DISC1: variants seen among roughly 807,000 people sequenced by gnomAD.
The protein encoded by DISC1 is disrupted in schizophrenia 1 protein.
Under a neutral mutation model 84.5 loss-of-function variants are expected in DISC1, and 57 were observed. The ratio of observed to expected loss-of-function variants is 0.67; its 90% CI spans 0.55 to 0.84. The LOEUF (loss-of-function observed/expected upper bound fraction) is 0.84, where lower values mean the gene tolerates loss of function less well. Ranked by LOEUF, DISC1 falls within the 40% of genes least tolerant of loss-of-function variation. DISC1 has a pLI of 0.00. For synonymous variants in DISC1, 411 were observed against 415.2 expected (o/e 0.99, Z 0.12); for missense variants, 1,000 against 1,057.8 (o/e 0.95, Z 0.76).
chr1:231,902,494 G>A (rs971310675), intron 9 of DISC1, among the ~76,000 whole-genome samples: 14 of 151,862 alleles, frequency 9.2e-5, no homozygotes, highest in African/African-American at 2.9e-4. Flanking sequence ...CCAGCTACTC[G>A]GGAGGCTGAG....
intron 4 of DISC1, among the ~76,000 whole-genome samples, chr1:231,759,336 CTG>C (rs1169150598): frequency 6.6e-6 from 1 of 151,996 alleles, no homozygotes; most frequent in Non-Finnish European, 1.5e-5. Flanking sequence ...CAGAAAATAA[CTG>C]TTACAGACAC....
intron 9 of DISC1, among the ~76,000 whole-genome samples, chr1:231,933,054 T>G (rs2090766923): frequency 6.6e-6 from 1 of 152,160 alleles, no homozygotes; most frequent in Admixed American, 6.5e-5. Flanking sequence ...AGGATAAAAA[T>G]GATGACAATG....
intron 9 of DISC1, among the ~76,000 whole-genome samples, chr1:231,955,025 G>A (rs554794112): frequency 6.6e-6 from 1 of 152,258 alleles, no homozygotes; most frequent in South Asian, 2.1e-4. Context: ...ACTGAGATGA[G>A]GCAAATACTT....
chr1:231,804,125 TG>T (rs2125667305), intron 8 of DISC1, among the ~76,000 whole-genome samples: 1 of 152,210 alleles, frequency 6.6e-6, no homozygotes, highest in South Asian at 2.1e-4. Flanking sequence ...AAGAATTTGG[TG>T]GGCATATTTT....
intron 9 of DISC1, among the ~76,000 whole-genome samples, chr1:231,908,130 G>A (rs2088876541): frequency 6.6e-6 from 1 of 152,124 alleles, no homozygotes; most frequent in South Asian, 2.1e-4. Flanking sequence ...TACGTTGCCT[G>A]TTCACTCTGA....
intron 9 of DISC1, among the ~76,000 whole-genome samples, chr1:231,872,699 A>G (rs201116812): frequency 7.2e-5 from 11 of 152,114 alleles, no homozygotes; most frequent in Non-Finnish European, 1.5e-4. Flanking sequence ...GTTTTATTTT[A>G]AACCAATCCA....
chr1:231,825,250 A>G (rs1386359681), intron 9 of DISC1, among the ~76,000 whole-genome samples: 1 of 152,166 alleles, frequency 6.6e-6, no homozygotes, highest in African/African-American at 2.4e-5. Flanking sequence ...TGGAAATACA[A>G]TGATGTTTTC....
intron 9 of DISC1, among the ~76,000 whole-genome samples, chr1:231,905,035 C>T (rs1266969306): frequency 6.6e-6 from 1 of 152,084 alleles, no homozygotes; most frequent in Admixed American, 6.6e-5. Flanking sequence ...AATTACATCC[C>T]CTCAGAATAC....
chr1:231,973,628 C>T (rs199600015), intron 10 of DISC1, among the ~76,000 whole-genome samples: 7 of 152,206 alleles, frequency 4.6e-5, no homozygotes, highest in African/African-American at 9.6e-5. Flanking sequence ...TTGTCTTGTC[C>T]GTGGCAGTCC....
At chr1:232,016,929 A>T (rs1668538989) in intron 11 of DISC1, among the ~76,000 whole-genome samples, 1 of 152,166 alleles carries the variant, frequency 6.6e-6, no homozygotes, top group African/African-American at 2.4e-5. Context: ...ATAAAGATAT[A>T]CCCTTAATGT....
chr1:231,779,912 C>A (rs2077271925), intron 6 of DISC1, among the ~76,000 whole-genome samples: 1 of 152,064 alleles, frequency 6.6e-6, no homozygotes, highest in Non-Finnish European at 1.5e-5. Context: ...CCTTAAAGTG[C>A]CTGCTAATGG....
At chr1:231,995,575 G>A (rs2102938313) in intron 10 of DISC1, among the ~76,000 whole-genome samples, 1 of 152,036 alleles carries the variant, frequency 6.6e-6, no homozygotes, top group African/African-American at 2.4e-5. Context: ...CCACCTATGA[G>A]TGAGAACATG....
At chr1:231,923,319 C>CAAAAAAAAAAAAAAAAAAAAA (rs1558738397) in intron 9 of DISC1, among the ~76,000 whole-genome samples, 1 of 145,388 alleles carries the variant, frequency 6.9e-6, no homozygotes, top group African/African-American at 2.5e-5. Context: ...AAAAAAAAAA[C>CAAAAAAAAAAAAAAAAAAAAA]AAAAAGAAAA....
intron 9 of DISC1, among the ~76,000 whole-genome samples, chr1:231,906,183 G>A (rs572134150): frequency 4.6e-5 from 7 of 151,994 alleles, no homozygotes; most frequent in East Asian, 3.9e-4. Flanking sequence ...TTACCACGCC[G>A]GGCTAATTTT....
chr1:231,951,249 C>T (rs1297281478), intron 9 of DISC1, among the ~76,000 whole-genome samples: 4 of 152,166 alleles, frequency 2.6e-5, no homozygotes. Context: ...TCAAATGTGG[C>T]TATTAGGGCA....
chr1:231,766,429 A>G (rs1384232944), intron 4 of DISC1, among the ~76,000 whole-genome samples: 1 of 152,116 alleles, frequency 6.6e-6, no homozygotes, highest in Non-Finnish European at 1.5e-5. Flanking sequence ...ATAAAAAAAA[A>G]TGTGATGTGG....
In DISC1 at chr1:232,004,868, CCTCCCTCCCTCCCTCCCTT is replaced by C; in HGVS notation, c.2043-3915_2043-3897del. ...CCATCTCTCCCTCCCTCCCTCCCTG[CCTCCCTCCCTCCCTCCCTT>C]CCTTCCTTCCTTCCTTCTTTCCTTC... On this transcript the variant is annotated intron_variant, in intron 10 of 12. Coordinates refer to ENST00000439617, the MANE Select transcript of DISC1 (RefSeq NM_018662.3). 1.1e-4 allele frequency among the ~76,000 whole-genome samples: 7 copies of C among 61,628 alleles called. 1 individual carries two copies. Among genetic ancestry groups the C allele is most frequent in the Admixed American group, 8.0e-4 (7 of 8,704 alleles). 40.4% of individuals were successfully genotyped at this position (61,628 alleles called of 152,430 possible). A position where few individuals can be genotyped will look rare whatever the true frequency, so the allele number is the denominator to read the frequency against.
intron 9 of DISC1, among the ~76,000 whole-genome samples, chr1:231,873,941 C>A (rs899809904): frequency 1.3e-5 from 2 of 151,904 alleles, no homozygotes; most frequent in African/African-American, 4.8e-5. Context: ...CTCTGCCTCC[C>A]AGGTTCAAGC....
At chr1:231,986,796 C>T (rs1664511473) in intron 10 of DISC1, among the ~76,000 whole-genome samples, 1 of 152,138 alleles carries the variant, frequency 6.6e-6, no homozygotes, top group African/African-American at 2.4e-5. Context: ...GGATTGAATA[C>T]TGATAAGGAT....
Sources: gnomAD v4.1 joint callset for allele counts (sites outside exome capture counted in the v4.1 genomes callset) on GRCh38, gnomAD v4.1.1 for gene constraint, MANE v1.5 for transcripts, NCBI Gene and HGNC (gene_info 2026-07-23, HGNC 2026-07-21) for gene names.